Variants in FCSK observed in about 807,000 individuals in gnomAD.
FCSK encodes L-fucose kinase.
In FCSK, 123 loss-of-function variants were observed where a neutral mutation model predicts 122.5. That is an observed-to-expected ratio of 1.00 (90% CI 0.87 to 1.17). The LOEUF is 1.17. FCSK is among the 50% of genes most tolerant of loss of function. The pLI is 0.00. For synonymous variants in FCSK, 620 were observed against 625.5 expected, an observed-to-expected ratio of 0.99 and a Z score of 0.13; for missense variants, 1,366 against 1,450.4, an observed-to-expected ratio of 0.94 and a Z score of 0.95.
Position 70,472,884 on chromosome 16 carries a change from G to A in FCSK, c.1407-99G>A. 3.5e-6 allele frequency: 5 copies of A among 1,416,038 alleles called. No homozygotes were observed. The South Asian group carries it at 7.2e-5, about 20-fold the overall frequency. 87.7% of individuals were successfully genotyped at this position (1,416,038 alleles called of 1,614,324 possible). On this transcript the variant is annotated intron_variant, in intron 14 of 23. Coordinates refer to ENST00000288078, the MANE Select transcript of FCSK (RefSeq NM_145059.3). The stretch of plus-strand genomic sequence containing the variant: ...TGCCCACTTATGCTACCTCGGAGGA[G>A]TCTGTCCTGTCCCCATGAACTGACA...
At chr16:70,463,357 G>C (rs1052978360) in intron 2 of FCSK, 85 bp downstream of exon 2, 3 of 1,210,972 alleles carry the variant, frequency 2.5e-6, no homozygotes, top group African/African-American at 3.0e-5. Context: ...CAGGTGCCAG[G>C]CCAACCTGGG....
intron 1 of FCSK, among the ~76,000 whole-genome samples, chr16:70,460,466 G>A (rs1298402267): frequency 1.3e-5 from 2 of 151,452 alleles, no homozygotes; most frequent in Admixed American, 6.6e-5. Flanking sequence ...GTGCAGTGGT[G>A]TGATCTTGGC....
chr16:70,475,253 G>T, intron 18 of FCSK, 97 bp from the exon 19 acceptor site: 2 of 1,430,138 alleles, frequency 1.4e-6, no homozygotes, highest in South Asian at 1.2e-5. Flanking sequence ...TTGTCCCACC[G>T]GATGAGTCCC....
chr16:70,467,785 A>T, intron 7 of FCSK, 101 bp from the exon 8 acceptor site: 1 of 997,130 alleles, frequency 1.0e-6, no homozygotes, highest in Non-Finnish European at 1.6e-6. Flanking sequence ...TTGCGTCCTC[A>T]GCTTTCCTTT....
intron 7 of FCSK, 118 bp downstream of exon 7, chr16:70,467,589 C>A: frequency 1.2e-6 from 1 of 821,572 alleles, no homozygotes; most frequent in Non-Finnish European, 1.9e-6. Context: ...TTCCTGAATC[C>A]AAGGAGTTTC....
chr16:70,469,363 T>G, intron 10 of FCSK, 40 bp downstream of exon 10: 2 of 1,535,550 alleles, frequency 1.3e-6, no homozygotes, highest in East Asian at 2.3e-5. Flanking sequence ...GGGGAGACCA[T>G]GGGAGTGAGG....
chr16:70,458,696 C>T (rs912929424), intron 1 of FCSK, among the ~76,000 whole-genome samples: 1 of 151,894 alleles, frequency 6.6e-6, no homozygotes, highest in Admixed American at 6.6e-5. Flanking sequence ...AATCTTCCTG[C>T]CTTGGCCTTC....
At chr16:70,479,113 A>G in intron 22 of FCSK, 67 bp from the exon 23 acceptor site, 13 of 1,237,486 alleles carry the variant, frequency 1.1e-5, no homozygotes, top group Non-Finnish European at 1.5e-5. Flanking sequence ...TTGGCACTTC[A>G]TGCAATCTCC....
Position 70,472,901 on chromosome 16 carries a change from G to C in FCSK, c.1407-82G>C, listed in dbSNP as rs138806274. On this transcript the variant is annotated intron_variant, in intron 14 of 23. Transcript: ENST00000288078. ...TCGGAGGAGTCTGTCCTGTCCCCAT[G>C]AACTGACAGGCGGCTCAGGGCTTGG... The C allele has an allele frequency of 6.2e-4, 919 of 1,475,228 alleles. 2 individuals are homozygous for C. The African/African-American group carries it at 0.012, about 19-fold the overall frequency. The allele number at this position is 1,475,228 out of a possible 1,614,324, so 91.4% of individuals were successfully genotyped here.
chr16:70,479,582 C>G lies in FCSK; in HGVS notation c.3157C>G (p.Leu1053Val). The G allele has an allele frequency of 6.2e-7, 1 of 1,613,722 alleles. No individual in the cohort carries two copies. Among genetic ancestry groups the G allele is most frequent in the African/African-American group, 1.3e-5 (1 of 75,032 alleles). Residue 1053 changes from leucine (L) to valine (V), a missense_variant, in exon 24 of 24, where the codon CTT becomes GTT. Physicochemically the swap from Leu to Val is conservative, Grantham distance 32. Coordinates refer to ENST00000288078, the MANE Select transcript of FCSK (RefSeq NM_145059.3). Reference protein sequence around the residue: ...LEAVLAKTEGLGNYSIHLVEV... With the variant: ...LEAVLAKTEGVGNYSIHLVEV... ...AAATACTTCCTGTCTTGTCCAGGGC[C>G]TTGGGAATTACAGCATCCACCTGGT...
At chr16:70,463,059 C>G in intron 1 of FCSK, 110 bp from the exon 2 acceptor site, 1 of 629,148 alleles carries the variant, frequency 1.6e-6, no homozygotes, top group East Asian at 3.0e-5. Context: ...GATGGTGATA[C>G]CAACACGAAT....
intron 22 of FCSK, 181 bp from the exon 23 acceptor site, chr16:70,478,999 C>G: frequency 3.1e-6 from 2 of 651,678 alleles, no homozygotes; most frequent in Non-Finnish European, 5.5e-6. Context: ...TTGGTTGCTT[C>G]CTGCACATTG....
chr16:70,456,769 C>T (rs1005507504), intron 1 of FCSK, among the ~76,000 whole-genome samples: 5 of 152,134 alleles, frequency 3.3e-5, no homozygotes, highest in Non-Finnish European at 7.3e-5. Context: ...GCCTGTAATC[C>T]CAGCACTTTG....
intron 8 of FCSK, 25 bp downstream of exon 8, chr16:70,467,991 G>A (rs767935816): frequency 1.2e-5 from 19 of 1,578,438 alleles, no homozygotes; most frequent in African/African-American, 1.1e-4. Context: ...CCCAGGTTGC[G>A]GGGCTTTGGG....
intron 22 of FCSK, 74 bp from the exon 23 acceptor site, chr16:70,479,106 G>C: frequency 8.7e-7 from 1 of 1,155,962 alleles, no homozygotes; most frequent in Admixed American, 1.9e-5. Flanking sequence ...GCACGTCTTG[G>C]CACTTCATGC....
intron 1 of FCSK, chr16:70,457,834 C>G (rs1333321117): frequency 6.6e-6 from 1 of 150,718 alleles, no homozygotes; most frequent in Non-Finnish European, 1.5e-5. Context: ...TGGGCTCAAG[C>G]CATCCGCCTG....
chr16:70,478,942 T>C, intron 22 of FCSK: 1 of 685,042 alleles, frequency 1.5e-6, no homozygotes, highest in East Asian at 2.7e-5. Context: ...GGGTCCCCAG[T>C]GTGTGGCTTC....
chr16:70,454,695 A>T (rs1407816506), intron 1 of FCSK, 65 bp downstream of exon 1: 1 of 135,006 alleles, frequency 7.4e-6, no homozygotes, highest in Non-Finnish European at 1.5e-5. Context: ...GCGCCCCCTC[A>T]GCTTTCCGGT....
chr16:70,469,050 T>G, intron 9 of FCSK, 82 bp downstream of exon 9: 1 of 1,604,560 alleles, frequency 6.2e-7, no homozygotes. Context: ...TTCCCCTCTC[T>G]GGGGCAGAGT....
Sources: allele counts gnomAD v4.1 joint callset (sites outside exome capture counted in the v4.1 genomes callset), GRCh38; gene constraint gnomAD v4.1.1; transcripts MANE v1.5; gene names NCBI Gene and HGNC (gene_info 2026-07-23, HGNC 2026-07-21).